Variants in ROBO2 observed in about 807,000 individuals in gnomAD.
The protein encoded by ROBO2 is roundabout homolog 2.
A neutral mutation model predicts 160.8 loss-of-function variants in ROBO2; 53 were observed. The ratio of observed to expected loss-of-function variants is 0.33; its 90% CI spans 0.26 to 0.41. ROBO2 has a LOEUF of 0.41. ROBO2 is among the 10% of genes least tolerant of loss of function. ROBO2 has a pLI of 1.00. For synonymous variants in ROBO2, 664 were observed against 611.7 expected (o/e 1.09, Z -1.26); for missense variants, 1,577 against 1,722.4 (o/e 0.92, Z 1.49).
At chr3:76,095,134 T>C (rs560392204) in intron 2 of ROBO2, among the ~76,000 whole-genome samples, 2 of 152,024 alleles carry the variant, frequency 1.3e-5, no homozygotes, top group South Asian at 2.1e-4. Flanking sequence ...GAGACTAAGA[T>C]GCAAAAGACA....
intron 2 of ROBO2, among the ~76,000 whole-genome samples, chr3:76,165,318 C>T (rs1322848866): frequency 1.3e-5 from 2 of 151,000 alleles, no homozygotes; most frequent in South Asian, 2.1e-4. Context: ...TTCCTTCAAC[C>T]TCATGAGCTA....
rs576612292 is a variant in ROBO2, at chr3:76,933,629, T to G, written c.110-164385T>G. On this transcript the variant is annotated intron_variant, in intron 2 of 26. Coordinates refer to the ROBO2 transcript ENST00000487694. ...TTGTAGCTATGATTTCACAATTGGC[T>G]AAAAAGCCTTTCCTCCTCTAAGTTT... Among the ~76,000 whole-genome samples, 310 of 152,332 alleles carry G rather than the reference T, an allele frequency of 2.0e-3. 2 individuals carry two copies. Among genetic ancestry groups the G allele is most frequent in the Admixed American group, 4.2e-3 (65 of 15,304 alleles).
At chr3:77,431,534 G>A (rs1581888952) in intron 2 of ROBO2, among the ~76,000 whole-genome samples, 1 of 152,228 alleles carries the variant, frequency 6.6e-6, no homozygotes, top group East Asian at 1.9e-4. Flanking sequence ...TTTTAGTGAT[G>A]ACCCTACTTG....
intron 2 of ROBO2, among the ~76,000 whole-genome samples, chr3:76,640,248 GGGCC>G (rs1284791306): frequency 1.3e-5 from 2 of 152,084 alleles, no homozygotes; most frequent in Non-Finnish European, 2.9e-5. Flanking sequence ...ATAAACATCA[GGGCC>G]GGGCGCGGTG....
chr3:76,236,092 G>GT (rs1433334177), intron 2 of ROBO2, among the ~76,000 whole-genome samples: 13 of 151,924 alleles, frequency 8.6e-5, no homozygotes, highest in Non-Finnish European at 1.9e-4. Flanking sequence ...CCTCAGTTAT[G>GT]TTTTTTTGTT....
In ROBO2 at chr3:76,044,925, G is replaced by T. The variant is rs568585673; in HGVS notation, c.109+107323G>T. On this transcript the variant is annotated intron_variant, in intron 2 of 26. Coordinates refer to the ROBO2 transcript ENST00000487694. ...GCAGAGATAAATAGAATGTGCAAAGGCCTTTAGGTTGAAAAATTCCTAAGC... is the reference window on the plus strand; with the variant it reads ...GCAGAGATAAATAGAATGTGCAAAGTCCTTTAGGTTGAAAAATTCCTAAGC... 1.3e-4 allele frequency among the ~76,000 whole-genome samples: 20 copies of T among 152,132 alleles called. No individual in the cohort carries two copies. In the South Asian group the frequency reaches 3.9e-3, roughly 30 times the overall value.
At chr3:77,028,370 C>T (rs921494041) in intron 2 of ROBO2, among the ~76,000 whole-genome samples, 4 of 152,074 alleles carry the variant, frequency 2.6e-5, no homozygotes, top group Non-Finnish European at 4.4e-5. Context: ...TAATGGATGT[C>T]TTTTACTCCA....
intron 2 of ROBO2, among the ~76,000 whole-genome samples, chr3:76,712,506 C>A (rs534416011): frequency 1.3e-5 from 2 of 152,080 alleles, no homozygotes; most frequent in Admixed American, 6.6e-5. Flanking sequence ...GAAACCTCAT[C>A]TCTACTAAAA....
intron 2 of ROBO2, among the ~76,000 whole-genome samples, chr3:77,364,145 T>C (rs1333211616): frequency 6.6e-6 from 1 of 152,210 alleles, no homozygotes; most frequent in Non-Finnish European, 1.5e-5. Flanking sequence ...CCATTCTGGG[T>C]AGATCTTAAA....
At chr3:76,840,676 A>ATATATATATAT (rs1559586498) in intron 2 of ROBO2, among the ~76,000 whole-genome samples, 2 of 138,662 alleles carry the variant, frequency 1.4e-5, no homozygotes, top group African/African-American at 5.4e-5. Context: ...TATATATATA[A>ATATATATATAT]GATGAAGTAA....
At chr3:77,349,192 G>T (rs1191298067) in intron 2 of ROBO2, among the ~76,000 whole-genome samples, 1 of 152,108 alleles carries the variant, frequency 6.6e-6, no homozygotes, top group Non-Finnish European at 1.5e-5. Flanking sequence ...AAACATGAAA[G>T]TACATTGATA....
In ROBO2 at chr3:76,392,148, G is replaced by C. The variant is rs535576942; in HGVS notation, c.109+454546G>C. Among the ~76,000 whole-genome samples, 4 of 152,174 alleles carry C rather than the reference G, an allele frequency of 2.6e-5. 1 individual carries two copies. The highest frequency in any genetic ancestry group is 9.6e-5 in the African/African-American group (4 of 41,524). ...GTATATATTTATGCCTAATTATGAA[G>C]AATATCCTTGGCATTAATAATGCAA... On this transcript the variant is annotated intron_variant, in intron 2 of 26. Coordinates refer to the ROBO2 transcript ENST00000487694.
At chr3:76,311,780 G>A (rs901736466) in intron 2 of ROBO2, among the ~76,000 whole-genome samples, 1 of 152,178 alleles carries the variant, frequency 6.6e-6, no homozygotes, top group African/African-American at 2.4e-5. Context: ...ATTGTTGGCA[G>A]ATTTTGTGAA....
intron 4 of ROBO2, among the ~76,000 whole-genome samples, chr3:77,491,848 T>C (rs1444083407): frequency 2.6e-5 from 4 of 152,166 alleles, no homozygotes; most frequent in African/African-American, 9.7e-5. Flanking sequence ...TACTGTCAAA[T>C]TCTCTGGAGA....
intron 2 of ROBO2, among the ~76,000 whole-genome samples, chr3:76,484,372 A>G (rs1380934354): frequency 6.6e-6 from 1 of 152,180 alleles, no homozygotes; most frequent in African/African-American, 2.4e-5. Flanking sequence ...GATTTAAAAA[A>G]TAAGAAAAAA....
At chr3:77,082,170 C>T (rs1169353406) in intron 1 of ROBO2, among the ~76,000 whole-genome samples, 4 of 152,134 alleles carry the variant, frequency 2.6e-5, no homozygotes, top group Non-Finnish European at 5.9e-5. Flanking sequence ...AAGTATAAAG[C>T]ATAGAGCAGA....
chr3:76,481,081 G>A (rs763613362), intron 2 of ROBO2, among the ~76,000 whole-genome samples: 12 of 152,120 alleles, frequency 7.9e-5, no homozygotes, highest in Non-Finnish European at 1.5e-4. Context: ...CCCAGTGATA[G>A]GAGATATGAG....
chr3:77,244,409 AAGAT>A (rs2089447816), intron 2 of ROBO2, among the ~76,000 whole-genome samples: 1 of 152,216 alleles, frequency 6.6e-6, no homozygotes, highest in Admixed American at 6.5e-5. Flanking sequence ...AAGAGACAAA[AAGAT>A]AGGAAAACGT....
chr3:76,428,037 A>T (rs2076289152), intron 2 of ROBO2, among the ~76,000 whole-genome samples: 1 of 152,208 alleles, frequency 6.6e-6, no homozygotes, highest in Non-Finnish European at 1.5e-5. Context: ...ATATATAACT[A>T]GTTTTAATGC....
Sources: gnomAD v4.1 joint callset for allele counts (sites outside exome capture counted in the v4.1 genomes callset) on GRCh38, gnomAD v4.1.1 for gene constraint, MANE v1.5 for transcripts, NCBI Gene and HGNC (gene_info 2026-07-23, HGNC 2026-07-21) for gene names.